The following RIPOR2 variants were observed in gnomAD, a reference collection of about 807,000 sequenced individuals.
RIPOR2 encodes RHO family interacting cell polarization regulator 2, also known as rho family-interacting cell polarization regulator 2.
Under a neutral mutation model 114.5 loss-of-function variants are expected in RIPOR2, and 39 were observed. That is an observed-to-expected ratio of 0.34 (90% CI 0.26 to 0.44). RIPOR2 has a LOEUF of 0.44. Ranked by LOEUF, RIPOR2 falls within the 20% of genes least tolerant of loss-of-function variation. The pLI, the probability that RIPOR2 is intolerant of heterozygous loss-of-function variation, is 1.00. For synonymous variants in RIPOR2, 445 were observed against 484.4 expected, an observed-to-expected ratio of 0.92 and a Z score of 1.07; for missense variants, 1,007 against 1,255.1, an observed-to-expected ratio of 0.80 and a Z score of 2.99.
Position 24,894,675 on chromosome 6 carries a change from G to A in RIPOR2, c.62-18858C>T, listed in dbSNP as rs1280935224. ...TACGACCTCCTGTTCCCCGTCCCCA[G>A]GCGTTTTACTTTCATATCCCATAAC... On this transcript the variant is annotated intron_variant, in intron 1 of 21. Coordinates refer to ENST00000643898, the MANE Select transcript of RIPOR2 (RefSeq NM_001286445.3). Among the ~76,000 whole-genome samples, 4 of 152,162 alleles carry A rather than the reference G, an allele frequency of 2.6e-5. No homozygotes were observed. In the East Asian group the frequency reaches 7.7e-4, roughly 29 times the overall value.
At chr6:24,822,515 T>C (rs1759786234) in intron 19 of RIPOR2, among the ~76,000 whole-genome samples, 2 of 152,024 alleles carry the variant, frequency 1.3e-5, no homozygotes, top group African/African-American at 2.4e-5. Context: ...TATTTATTTT[T>C]ATTTATTTAT....
At position 24,825,555 on chromosome 6, in the gene RIPOR2, T is replaced by C. The variant is rs190955542; in HGVS notation, c.2666-127A>G. ...AGTAACTCCAATACATATGAAAAAT[T>C]AGCATCTGATAAAGATGGTATTTCA... On this transcript the variant is annotated intron_variant, in intron 18 of 21. Coordinates refer to ENST00000643898, the MANE Select transcript of RIPOR2 (RefSeq NM_001286445.3). The C allele has an allele frequency of 4.6e-6, 3 of 656,628 alleles. No homozygotes were observed. In the East Asian group the frequency reaches 8.2e-5, roughly 18 times the overall value. The allele number at this position is 656,628 out of a possible 1,614,324, so 40.7% of individuals were successfully genotyped here. A position where few individuals can be genotyped will look rare whatever the true frequency, so the allele number is the denominator to read the frequency against.
intron 1 of RIPOR2, chr6:25,023,598 C>T: frequency 1.3e-6 from 1 of 766,016 alleles, no homozygotes; most frequent in Non-Finnish European, 2.4e-6. Flanking sequence ...ATGGTGAAGG[C>T]CTTGATGTCT....
At chr6:25,022,397 T>C (rs1776363004) in intron 1 of RIPOR2, among the ~76,000 whole-genome samples, 1 of 152,136 alleles carries the variant, frequency 6.6e-6, no homozygotes, top group Admixed American at 6.6e-5. Context: ...GTTGCATGCC[T>C]CAGTTCATTC....
chr6:24,843,697 CCGTGTGTGTGTGTGTGTGTGTGTG>C lies in RIPOR2; in HGVS notation c.1165-167_1165-144del, dbSNP rs535370914. ...AATGTTAGCATTTTATTTGTTGATG[CCGTGTGTGTGTGTGTGTGTGTGTG>C]TGTGTGTGTGTGTGTGTGTGTGTAT... On this transcript the variant is annotated intron_variant, in intron 12 of 21. Transcript: ENST00000643898. 569 of 472,154 alleles carry C rather than the reference CCGTGTGTGTGTGTGTGTGTGTGTG, an allele frequency of 1.2e-3. 3 individuals are homozygous for C. The African/African-American group carries it at 0.012, about 10-fold the overall frequency. The allele number at this position is 472,154 out of a possible 1,614,324, so 29.2% of individuals were successfully genotyped here.
chr6:24,900,353 G>A (rs1768306009), intron 1 of RIPOR2, among the ~76,000 whole-genome samples: 1 of 152,146 alleles, frequency 6.6e-6, no homozygotes, highest in Admixed American at 6.5e-5. Context: ...AGGGTGTTGT[G>A]AGCACTCAAT....
Position 24,862,060 on chromosome 6 carries a change from GAGA to G in RIPOR2, c.652-1027_652-1025del, listed in dbSNP as rs147245885. 2.4e-3 allele frequency among the ~76,000 whole-genome samples: 372 copies of G among 152,354 alleles called. 4 individuals are homozygous for G. In the South Asian group the frequency reaches 0.025, roughly 10 times the overall value. The stretch of plus-strand genomic sequence containing the variant: ...TTTGATGTTGAAGGAAAAGGATAGA[GAGA>G]AGGAGTAACACCATCTGTGCATGTG... On this transcript the variant is annotated intron_variant, in intron 7 of 21. Transcript: ENST00000643898.
At chr6:24,834,389 T>C (rs796393766) in intron 15 of RIPOR2, among the ~76,000 whole-genome samples, 48 of 152,200 alleles carry the variant, frequency 3.2e-4, no homozygotes, top group African/African-American at 1.2e-3. Context: ...CCCTGACTCT[T>C]GTCTTCCAAC....
At chr6:24,833,251 C>G (rs1164704254) in intron 15 of RIPOR2, among the ~76,000 whole-genome samples, 1 of 152,084 alleles carries the variant, frequency 6.6e-6, no homozygotes, top group Non-Finnish European at 1.5e-5. Context: ...ATTTTCAAAC[C>G]CAGCACTTTG....
At chr6:25,011,667 G>A (rs1205629549) in intron 1 of RIPOR2, among the ~76,000 whole-genome samples, 2 of 152,152 alleles carry the variant, frequency 1.3e-5, no homozygotes, top group East Asian at 3.8e-4. Flanking sequence ...GTAAAAGGAA[G>A]CAAGTTCTTA....
intron 8 of RIPOR2, among the ~76,000 whole-genome samples, chr6:24,855,954 A>G (rs1366175623): frequency 6.6e-6 from 1 of 152,180 alleles, no homozygotes; most frequent in Non-Finnish European, 1.5e-5. Flanking sequence ...GGATTGCTTG[A>G]GGTTAGGAGT....
intron 1 of RIPOR2, among the ~76,000 whole-genome samples, chr6:25,005,124 A>T (rs1413313655): frequency 6.6e-6 from 1 of 152,132 alleles, no homozygotes; most frequent in African/African-American, 2.4e-5. Flanking sequence ...GCTTTGCACC[A>T]GGAGAATTTC....
intron 1 of RIPOR2, among the ~76,000 whole-genome samples, chr6:25,009,069 C>G (rs553043605): frequency 6.6e-6 from 1 of 152,302 alleles, no homozygotes; most frequent in South Asian, 2.1e-4. Flanking sequence ...GAGACTGGAG[C>G]TCTAATTGAT....
chr6:24,958,863 C>G (rs1020238552), intron 1 of RIPOR2, among the ~76,000 whole-genome samples: 1 of 152,036 alleles, frequency 6.6e-6, no homozygotes, highest in Non-Finnish European at 1.5e-5. Flanking sequence ...GAGAGAAAAT[C>G]CCTTCCATGC....
chr6:25,042,163 T>C (rs1777482167), upstream of RIPOR2: 8 of 432,994 alleles, frequency 1.8e-5, no homozygotes, highest in South Asian at 2.4e-4. Flanking sequence ...AGGCAGCTGC[T>C]GTGCTGGGCT....
At chr6:24,900,085 C>A (rs1401439690) in intron 1 of RIPOR2, among the ~76,000 whole-genome samples, 1 of 152,172 alleles carries the variant, frequency 6.6e-6, no homozygotes, top group African/African-American at 2.4e-5. Context: ...GTCTCTGTTT[C>A]GAGTTGCTAA....
At chr6:25,018,912 C>T (rs571008197) in intron 1 of RIPOR2, among the ~76,000 whole-genome samples, 1 of 152,222 alleles carries the variant, frequency 6.6e-6, no homozygotes, top group African/African-American at 2.4e-5. Flanking sequence ...TGTCTCCATC[C>T]ATTGTTTCAT....
rs1766944159 is a variant in RIPOR2, at chr6:24,887,517, T to C, written c.62-11700A>G. On this transcript the variant is annotated intron_variant, in intron 1 of 21. Coordinates refer to ENST00000643898, the MANE Select transcript of RIPOR2 (RefSeq NM_001286445.3). ...TAATTAGGACTTGCAATTTGAGAGATATCTGACTTTTATCAAATGGAATGT... is the reference window on the plus strand; with the variant it reads ...TAATTAGGACTTGCAATTTGAGAGACATCTGACTTTTATCAAATGGAATGT... Among the ~76,000 whole-genome samples the C allele has an allele frequency of 2.6e-5, 4 of 152,250 alleles. No individual in the cohort carries two copies. In the South Asian group the frequency reaches 8.3e-4, roughly 31 times the overall value.
intron 1 of RIPOR2, among the ~76,000 whole-genome samples, chr6:25,033,735 A>G (rs1777108943): frequency 6.6e-6 from 1 of 152,238 alleles, no homozygotes; most frequent in African/African-American, 2.4e-5. Context: ...CAGGCTCCCA[A>G]CACATCCTGT....
Sources: allele counts gnomAD v4.1 joint callset (sites outside exome capture counted in the v4.1 genomes callset), GRCh38; gene constraint gnomAD v4.1.1; transcripts MANE v1.5; gene names NCBI Gene and HGNC (gene_info 2026-07-23, HGNC 2026-07-21).